The following MBNL2 variants were observed in gnomAD, a reference collection of about 807,000 sequenced individuals.
The protein encoded by MBNL2 is muscleblind-like protein 2.
In MBNL2, 17 loss-of-function variants were observed where a neutral mutation model predicts 41.9. The observed-to-expected ratio is 0.41, with a 90% CI of 0.28 to 0.61. The LOEUF is 0.61. Ranked by LOEUF, MBNL2 falls within the 20% of genes least tolerant of loss-of-function variation. The pLI, the probability that MBNL2 is intolerant of heterozygous loss-of-function variation, is 0.35. For missense variants in MBNL2, 336 were observed against 505.6 expected, an observed-to-expected ratio of 0.66 and a Z score of 3.22; for synonymous variants, 195 against 182.9, an observed-to-expected ratio of 1.07 and a Z score of -0.53.
intron 8 of MBNL2, among the ~76,000 whole-genome samples, chr13:97,368,877 C>G (rs2064109087): frequency 6.6e-6 from 1 of 152,156 alleles, no homozygotes; most frequent in African/African-American, 2.4e-5. Context: ...TAGCTGAACT[C>G]TGATTTCAAT....
At chr13:97,325,132 A>T (rs570057863) in intron 2 of MBNL2, among the ~76,000 whole-genome samples, 1 of 152,288 alleles carries the variant, frequency 6.6e-6, no homozygotes, top group South Asian at 2.1e-4. Context: ...GTCCACACTA[A>T]CCAAACTACC....
At chr13:97,146,128 C>T in the MBNL2 span, among the ~76,000 whole-genome samples, 1 of 151,354 alleles carries the variant, frequency 6.6e-6, no homozygotes, top group Non-Finnish European at 1.5e-5. Flanking sequence ...GTAGCTAGGA[C>T]TACAGGCGTG....
At chr13:97,289,516 A>G (rs1594159809) in intron 2 of MBNL2, among the ~76,000 whole-genome samples, 1 of 152,238 alleles carries the variant, frequency 6.6e-6, no homozygotes, top group East Asian at 1.9e-4. Flanking sequence ...TACCAGGAAA[A>G]CAAAATTCTT....
chr13:97,344,958 T>C (rs2061717166), intron 4 of MBNL2, among the ~76,000 whole-genome samples: 1 of 152,226 alleles, frequency 6.6e-6, no homozygotes, highest in African/African-American at 2.4e-5. Context: ...TCCACACCTA[T>C]GATGCTATCA....
At chr13:97,161,191 G>T in the MBNL2 span, among the ~76,000 whole-genome samples, 4 of 152,174 alleles carry the variant, frequency 2.6e-5, no homozygotes, top group Admixed American at 2.6e-4. Flanking sequence ...ACACAGAATG[G>T]TTCCCAATGG....
At chr13:97,180,280 G>A in the MBNL2 span, among the ~76,000 whole-genome samples, 1 of 152,174 alleles carries the variant, frequency 6.6e-6, no homozygotes, top group African/African-American at 2.4e-5. Flanking sequence ...TACTGGAGGA[G>A]GACCAAGTTT....
At chr13:97,367,730 G>A (rs1256145637) in intron 8 of MBNL2, among the ~76,000 whole-genome samples, 1 of 152,142 alleles carries the variant, frequency 6.6e-6, no homozygotes, top group Non-Finnish European at 1.5e-5. Context: ...AGCAGAGAGT[G>A]GGGGAGGGAG....
At chr13:97,213,664 T>C in the MBNL2 span, among the ~76,000 whole-genome samples, 1 of 152,154 alleles carries the variant, frequency 6.6e-6, no homozygotes, top group Non-Finnish European at 1.5e-5. Context: ...CTTGCTTATC[T>C]TTACATCATG....
At chr13:97,219,270 G>C (rs934218021), upstream of MBNL2, among the ~76,000 whole-genome samples, 2 of 152,216 alleles carry the variant, frequency 1.3e-5, no homozygotes, top group African/African-American at 4.8e-5. Context: ...CTGTGGGTCA[G>C]GGAAGGGTTC....
chr13:97,339,443 C>G (rs1278429082), intron 3 of MBNL2, among the ~76,000 whole-genome samples: 2 of 152,088 alleles, frequency 1.3e-5, no homozygotes, highest in Non-Finnish European at 2.9e-5. Context: ...AGAAGGCTTC[C>G]CGCGAATCTT....
intron 1 of MBNL2, among the ~76,000 whole-genome samples, chr13:97,228,529 C>CTTTTTTT (rs5806008): frequency 1.6e-5 from 2 of 128,120 alleles, no homozygotes; most frequent in Non-Finnish European, 3.2e-5. Flanking sequence ...TATTTATTAT[C>CTTTTTTT]TTTTTTTTTT....
chr13:97,165,019 C>T, the MBNL2 span, among the ~76,000 whole-genome samples: 2 of 152,132 alleles, frequency 1.3e-5, no homozygotes, highest in South Asian at 2.1e-4. Flanking sequence ...GTCTGGCCAA[C>T]GTGGCAAAAA....
intron 2 of MBNL2, among the ~76,000 whole-genome samples, chr13:97,282,625 C>T (rs2053651487): frequency 6.6e-6 from 1 of 152,150 alleles, no homozygotes; most frequent in African/African-American, 2.4e-5. Flanking sequence ...TTTTATAATG[C>T]AACGGAGTAC....
chr13:97,214,366 C>T, the MBNL2 span, among the ~76,000 whole-genome samples: 1 of 152,242 alleles, frequency 6.6e-6, no homozygotes, highest in African/African-American at 2.4e-5. Context: ...ATTTCCTACT[C>T]ATCCTGTACC....
At chr13:97,322,669 C>T (rs1018698831) in intron 2 of MBNL2, among the ~76,000 whole-genome samples, 2 of 152,034 alleles carry the variant, frequency 1.3e-5, no homozygotes, top group East Asian at 3.9e-4. Flanking sequence ...CTATTTTTCC[C>T]ATCTTCTTCC....
At chr13:97,388,314 C>CATACATATATATATATATAT (rs1555323244) in intron 8 of MBNL2, among the ~76,000 whole-genome samples, 3 of 139,698 alleles carry the variant, frequency 2.1e-5, no homozygotes, top group Admixed American at 7.2e-5. Flanking sequence ...TACATACATA[C>CATACATATATATATATATAT]ATATATATAT....
At chr13:97,165,952 A>G in the MBNL2 span, among the ~76,000 whole-genome samples, 3 of 152,208 alleles carry the variant, frequency 2.0e-5, no homozygotes, top group Admixed American at 6.5e-5. Context: ...GACTTTCTCC[A>G]TCATTGAAAT....
intron 1 of MBNL2, among the ~76,000 whole-genome samples, chr13:97,223,699 G>A (rs1177599648): frequency 1.3e-5 from 2 of 152,178 alleles, no homozygotes; most frequent in Admixed American, 1.3e-4. Context: ...AAAAGGCAGG[G>A]GGAACATTCT....
At chr13:97,289,526 TAATG>T (rs1266548374) in intron 2 of MBNL2, among the ~76,000 whole-genome samples, 2 of 152,198 alleles carry the variant, frequency 1.3e-5, no homozygotes, top group African/African-American at 4.8e-5. Flanking sequence ...ACAAAATTCT[TAATG>T]AAGAATTCTA....
Sources: allele counts gnomAD v4.1 joint callset (sites outside exome capture counted in the v4.1 genomes callset), GRCh38; gene constraint gnomAD v4.1.1; transcripts MANE v1.5; gene names NCBI Gene and HGNC (gene_info 2026-07-23, HGNC 2026-07-21).